Variants in FBXL7 observed in about 807,000 individuals in gnomAD.
The protein encoded by FBXL7 is F-box/LRR-repeat protein 7.
FBXL7 carries 12 observed loss-of-function variants against 38.3 expected under a neutral mutation model. The observed-to-expected ratio is 0.31, with a 90% CI of 0.20 to 0.51. FBXL7 has a LOEUF of 0.51. Ranked by LOEUF, FBXL7 falls within the 20% of genes least tolerant of loss-of-function variation. The pLI, the probability that FBXL7 is intolerant of heterozygous loss-of-function variation, is 0.98. For synonymous variants in FBXL7, 297 were observed against 300.9 expected, an observed-to-expected ratio of 0.99 and a Z score of 0.13; for missense variants, 567 against 676.4, an observed-to-expected ratio of 0.84 and a Z score of 1.79.
In FBXL7 at chr5:15,578,847, C is replaced by G. The variant is rs536653240; in HGVS notation, c.38-37136C>G. Among the ~76,000 whole-genome samples the G allele has an allele frequency of 3.9e-5, 6 of 152,282 alleles. No homozygotes were observed. The South Asian group carries it at 1.2e-3, about 32-fold the overall frequency. On this transcript the variant is annotated intron_variant, in intron 1 of 3. Coordinates refer to ENST00000504595, the MANE Select transcript of FBXL7 (RefSeq NM_012304.5). ...GCTAAATTAACTCGAGATGGAATAT[C>G]TTTGGATTGGATAAGTGTTTATATA...
intron 1 of FBXL7, 145 bp downstream of exon 1, chr5:15,500,858 GCAGTGAGTGAC>G: frequency 3.1e-6 from 3 of 978,974 alleles, no homozygotes; most frequent in Middle Eastern, 2.3e-4. Context: ...TTCTCCTTTG[GCAGTGAGTGAC>G]CAGTGAGTAG....
At position 15,554,423 on chromosome 5, in the gene FBXL7, G is replaced by A. The variant is rs149475848; in HGVS notation, c.37+53710G>A. On this transcript the variant is annotated intron_variant, in intron 1 of 3. Transcript: ENST00000504595. Reference sequence around the variant, plus strand: ...TACCAACTGTAAACACTCCTTATTTGCCAGTCATTCTAAATGTATTTAAAT... The same window carrying A: ...TACCAACTGTAAACACTCCTTATTTACCAGTCATTCTAAATGTATTTAAAT... 3.1e-4 allele frequency among the ~76,000 whole-genome samples: 47 copies of A among 152,236 alleles called. 1 individual carries two copies. The East Asian group carries it at 8.9e-3, about 29-fold the overall frequency.
chr5:15,901,829 T>G (rs1741241157), intron 2 of FBXL7, among the ~76,000 whole-genome samples: 1 of 152,232 alleles, frequency 6.6e-6, no homozygotes, highest in African/African-American at 2.4e-5. Flanking sequence ...GATTGCCGTG[T>G]CTTGCTGTAT....
intron 2 of FBXL7, among the ~76,000 whole-genome samples, chr5:15,745,225 C>A (rs1391876837): frequency 9.4e-6 from 1 of 106,860 alleles, no homozygotes; most frequent in Non-Finnish European, 2.1e-5. Context: ...TGTATTATTT[C>A]TCAAAAAAAA....
intron 2 of FBXL7, among the ~76,000 whole-genome samples, chr5:15,758,695 G>A (rs1405935058): frequency 1.3e-5 from 2 of 152,012 alleles, no homozygotes; most frequent in South Asian, 2.1e-4. Flanking sequence ...TGTTTAACAC[G>A]GACTTAATAA....
At chr5:15,729,096 T>A (rs1301851712) in intron 2 of FBXL7, among the ~76,000 whole-genome samples, 1 of 152,148 alleles carries the variant, frequency 6.6e-6, no homozygotes, top group Non-Finnish European at 1.5e-5. Context: ...TAATATATGA[T>A]GTAAATGCAC....
intron 1 of FBXL7, among the ~76,000 whole-genome samples, chr5:15,523,498 G>T (rs551133150): frequency 5.3e-5 from 8 of 151,990 alleles, no homozygotes; most frequent in Non-Finnish European, 1.2e-4. Flanking sequence ...GGTGGAGCTT[G>T]CAGTGAGCTG....
At chr5:15,567,367 A>G (rs1275046012) in intron 1 of FBXL7, among the ~76,000 whole-genome samples, 2 of 152,020 alleles carry the variant, frequency 1.3e-5, no homozygotes, top group Non-Finnish European at 2.9e-5. Flanking sequence ...ATAAAAAGAT[A>G]TTTGTTTTTT....
intron 2 of FBXL7, among the ~76,000 whole-genome samples, chr5:15,708,609 C>T (rs991798146): frequency 2.6e-5 from 4 of 152,230 alleles, no homozygotes; most frequent in Admixed American, 6.5e-5. Context: ...AATCAACTCT[C>T]AGATCTCTTA....
intron 1 of FBXL7, among the ~76,000 whole-genome samples, chr5:15,585,258 C>T (rs1739267098): frequency 6.6e-6 from 1 of 152,132 alleles, no homozygotes; most frequent in African/African-American, 2.4e-5. Flanking sequence ...TGAGACCAAA[C>T]CATGAACCTA....
chr5:15,509,062 T>G (rs1736724806), intron 1 of FBXL7, among the ~76,000 whole-genome samples: 1 of 152,204 alleles, frequency 6.6e-6, no homozygotes, highest in African/African-American at 2.4e-5. Context: ...ATAAATCTTT[T>G]CACTTCGAGA....
chr5:15,800,717 A>G (rs1023844593), intron 2 of FBXL7, among the ~76,000 whole-genome samples: 1 of 152,212 alleles, frequency 6.6e-6, no homozygotes, highest in Non-Finnish European at 1.5e-5. Flanking sequence ...ATCTCAGCAT[A>G]TGGAGGTGCA....
At chr5:15,684,784 A>G (rs1366716658) in intron 2 of FBXL7, among the ~76,000 whole-genome samples, 1 of 152,204 alleles carries the variant, frequency 6.6e-6, no homozygotes, top group Non-Finnish European at 1.5e-5. Context: ...AACAAATGCA[A>G]GTGGTCTCCA....
At chr5:15,709,847 C>T (rs1325139301) in intron 2 of FBXL7, among the ~76,000 whole-genome samples, 4 of 152,142 alleles carry the variant, frequency 2.6e-5, no homozygotes. Context: ...TCTGTGTCTT[C>T]AGATAGTGGA....
intron 2 of FBXL7, among the ~76,000 whole-genome samples, chr5:15,728,927 C>G (rs1735494871): frequency 2.0e-5 from 3 of 152,150 alleles, no homozygotes; most frequent in Admixed American, 2.0e-4. Context: ...CCTTCCTGAA[C>G]TAGCCAAATG....
At chr5:15,758,792 C>A (rs1303800351) in intron 2 of FBXL7, among the ~76,000 whole-genome samples, 1 of 151,954 alleles carries the variant, frequency 6.6e-6, no homozygotes, top group Non-Finnish European at 1.5e-5. Flanking sequence ...TTTCATTGTG[C>A]AATTAACTCG....
At chr5:15,682,042 T>C (rs1742859837) in intron 2 of FBXL7, among the ~76,000 whole-genome samples, 1 of 152,202 alleles carries the variant, frequency 6.6e-6, no homozygotes, top group Non-Finnish European at 1.5e-5. Context: ...ACACCAGCAA[T>C]ATCAGCCACT....
At chr5:15,924,071 C>T (rs367798250) in intron 2 of FBXL7, among the ~76,000 whole-genome samples, 29 of 152,224 alleles carry the variant, frequency 1.9e-4, no homozygotes, top group African/African-American at 5.5e-4. Flanking sequence ...CTGGTTTCAG[C>T]GATAAATCTC....
chr5:15,864,388 GA>G (rs1739614939), intron 2 of FBXL7, among the ~76,000 whole-genome samples: 2 of 151,532 alleles, frequency 1.3e-5, no homozygotes, highest in African/African-American at 4.9e-5. Flanking sequence ...GTGGTCATTA[GA>G]ATTGTAAATC....
Sources: gnomAD v4.1 joint callset for allele counts (sites outside exome capture counted in the v4.1 genomes callset) on GRCh38, gnomAD v4.1.1 for gene constraint, MANE v1.5 for transcripts, NCBI Gene and HGNC (gene_info 2026-07-23, HGNC 2026-07-21) for gene names.